The following PRELID3A variants were observed in gnomAD, a reference collection of about 807,000 sequenced individuals.
The protein encoded by PRELID3A is PRELI domain containing protein 3A.
In PRELID3A, 27 loss-of-function variants were observed where a neutral mutation model predicts 23.0. The observed-to-expected ratio is 1.17, with a 90% CI of 0.87 to 1.62. PRELID3A has a LOEUF of 1.62. Among genes scored for constraint, PRELID3A ranks in the 40% most tolerant of loss-of-function variants. The pLI is 0.00. For missense variants in PRELID3A, 231 were observed against 231.4 expected (o/e 1.00, Z 0.01); for synonymous variants, 87 against 86.4 (o/e 1.01, Z -0.04).
intron 1 of PRELID3A, among the ~76,000 whole-genome samples, chr18:12,414,400 C>T (rs1462596741): frequency 6.6e-6 from 1 of 152,156 alleles, no homozygotes; most frequent in African/African-American, 2.4e-5. Flanking sequence ...ATTGCTTTTG[C>T]AGAATTAGCG....
chr18:12,414,340 C>G (rs1194717867), intron 1 of PRELID3A, among the ~76,000 whole-genome samples: 1 of 152,226 alleles, frequency 6.6e-6, no homozygotes, highest in Admixed American at 6.5e-5. Flanking sequence ...TGACCACATG[C>G]AATTTGGAGC....
intron 3 of PRELID3A, among the ~76,000 whole-genome samples, chr18:12,424,668 A>G (rs2030299772): frequency 6.6e-6 from 1 of 152,198 alleles, no homozygotes; most frequent in African/African-American, 2.4e-5. Context: ...AAAAATGAGT[A>G]TTTATCACTA....
rs753797768 is a variant in PRELID3A, at chr18:12,421,592, A to T, written c.254A>T (p.Asp85Val). The change falls in exon 3 of 7, where the codon GAT (aspartate) becomes GTT (valine). Residue 85 changes from aspartate to valine, a missense_variant. Transcript: ENST00000440960. ...TACATCCGAGAACATTCTGTGGTGGATCCAGTGGAAAAGAAAATGGAACTT... is the reference window on the plus strand; with the variant it reads ...TACATCCGAGAACATTCTGTGGTGGTTCCAGTGGAAAAGAAAATGGAACTT... ...LTYIREHSVV[D>V]PVEKKMELCS... is the part of the protein sequence containing the mutation. The T allele has an allele frequency of 5.0e-6, 8 of 1,613,778 alleles. No homozygotes were observed. Among genetic ancestry groups the T allele is most frequent in the South Asian group, 2.2e-5 (2 of 91,060 alleles).
chr18:12,429,489 G>A (rs757139640), intron 6 of PRELID3A, 53 bp downstream of exon 6: 44 of 1,183,310 alleles, frequency 3.7e-5, no homozygotes, highest in Non-Finnish European at 5.0e-5. Context: ...CTTGTGACCC[G>A]TGTGCATGGT....
chr18:12,417,902 G>A (rs1308040440), intron 1 of PRELID3A, among the ~76,000 whole-genome samples: 2 of 152,162 alleles, frequency 1.3e-5, no homozygotes, highest in Non-Finnish European at 2.9e-5. Flanking sequence ...CAATTGCATG[G>A]TTCAAAAAAC....
intron 3 of PRELID3A, 52 bp downstream of exon 3, chr18:12,421,681 G>A (rs2030187269): frequency 8.3e-7 from 1 of 1,208,834 alleles, no homozygotes. Flanking sequence ...GGGTGGTGGT[G>A]CGTAAGGCCT....
At chr18:12,421,084 A>G (rs2030165691) in intron 2 of PRELID3A, among the ~76,000 whole-genome samples, 1 of 152,028 alleles carries the variant, frequency 6.6e-6, no homozygotes. Context: ...GGCTCACCCC[A>G]ACCCGGCCCC....
rs1381385250 is a variant in PRELID3A at position 12,421,598 on chromosome 18, T to G, written c.260T>G (p.Val87Gly). 1.2e-6 allele frequency: 2 copies of G among 1,613,426 alleles called. No homozygotes were observed. Among genetic ancestry groups the G allele is most frequent in the East Asian group, 4.5e-5 (2 of 44,884 alleles). Residue 87 changes from valine to glycine, a missense_variant, in exon 3 of 7, where the codon GTG becomes GGG. Val to Gly is a moderately radical substitution (Grantham distance 109). Transcript: ENST00000440960. ...YIREHSVVDP[V>G]EKKMELCSTN... ...CGAGAACATTCTGTGGTGGATCCAG[T>G]GGAAAAGAAAATGGAACTTTGTTCT... is the stretch of plus-strand genomic sequence containing the variant.
intron 1 of PRELID3A, among the ~76,000 whole-genome samples, 159 bp downstream of exon 1, chr18:12,408,166 G>C (rs1042790211): frequency 6.6e-6 from 1 of 151,954 alleles, no homozygotes; most frequent in Non-Finnish European, 1.5e-5. Context: ...CGGCGTCCCG[G>C]AGAGGGCACG....
At chr18:12,415,784 G>T (rs1312481507) in intron 1 of PRELID3A, among the ~76,000 whole-genome samples, 1 of 152,158 alleles carries the variant, frequency 6.6e-6, no homozygotes, top group Non-Finnish European at 1.5e-5. Flanking sequence ...CACTGTTGGT[G>T]CTTAGAGAGT....
chr18:12,408,682 C>G (rs1286162497), intron 1 of PRELID3A, among the ~76,000 whole-genome samples: 1 of 151,980 alleles, frequency 6.6e-6, no homozygotes, highest in African/African-American at 2.4e-5. Context: ...TGTTCCCACT[C>G]CTAAGTGGGT....
chr18:12,415,247 T>G (rs1444372562), intron 1 of PRELID3A, among the ~76,000 whole-genome samples: 1 of 151,596 alleles, frequency 6.6e-6, no homozygotes, highest in Non-Finnish European at 1.5e-5. Flanking sequence ...ATCTTTTTTT[T>G]TTTTTAATTT....
intron 1 of PRELID3A, among the ~76,000 whole-genome samples, chr18:12,415,309 A>G (rs2029912629): frequency 6.6e-6 from 1 of 151,198 alleles, no homozygotes; most frequent in African/African-American, 2.4e-5. Flanking sequence ...ACCCAGGCAG[A>G]AGTGCAGTGG....
At chr18:12,420,659 G>A (rs1295624797) in intron 2 of PRELID3A, among the ~76,000 whole-genome samples, 166 bp downstream of exon 2, 9 of 147,742 alleles carry the variant, frequency 6.1e-5, no homozygotes, top group Non-Finnish European at 1.2e-4. Flanking sequence ...GCGCGGGGTG[G>A]GGGTGGCGGT....
intron 3 of PRELID3A, among the ~76,000 whole-genome samples, chr18:12,421,864 A>G (rs957441660): frequency 2.0e-5 from 3 of 152,222 alleles, no homozygotes; most frequent in Non-Finnish European, 4.4e-5. Context: ...CAGGCAGTTC[A>G]AGCAACAGAA....
intron 3 of PRELID3A, among the ~76,000 whole-genome samples, chr18:12,422,818 T>C (rs996826069): frequency 2.6e-5 from 4 of 152,182 alleles, no homozygotes; most frequent in Non-Finnish European, 5.9e-5. Context: ...TTTCAGCAAA[T>C]ATAGAAATGG....
intron 1 of PRELID3A, among the ~76,000 whole-genome samples, chr18:12,415,119 G>A (rs1317489349): frequency 1.3e-5 from 2 of 152,016 alleles, no homozygotes; most frequent in African/African-American, 2.4e-5. Context: ...TGTTGACATA[G>A]GGATCTTGCT....
At chr18:12,423,670 G>A (rs939793426) in intron 3 of PRELID3A, among the ~76,000 whole-genome samples, 3 of 152,340 alleles carry the variant, frequency 2.0e-5, no homozygotes, top group East Asian at 1.9e-4. Context: ...AGGGAATGGC[G>A]ACCTGGTCCC....
In PRELID3A at chr18:12,427,302, G is replaced by C; in HGVS notation, c.444G>C (p.Thr148=). Residue 148 remains threonine, a synonymous_variant, in exon 5 of 7, where the codon ACG becomes ACC. Transcript: ENST00000440960. ...GSYLESLMAN[T]ISSNAKKGWA... ...ATTTGGAAAGTTTAATGGCCAATAC[G>C]ATATCATCCAATGCAAAGAAGGTAT... 6.2e-7 allele frequency: 1 copy of C among 1,611,956 alleles called. No homozygotes were observed. The highest frequency in any genetic ancestry group is 8.5e-7 in the Non-Finnish European group (1 of 1,178,010).
Sources: gnomAD v4.1 joint callset for allele counts (sites outside exome capture counted in the v4.1 genomes callset) on GRCh38, gnomAD v4.1.1 for gene constraint, MANE v1.5 for transcripts, NCBI Gene and HGNC (gene_info 2026-07-23, HGNC 2026-07-21) for gene names.